The following PRKN variants were observed in gnomAD, a reference collection of about 807,000 sequenced individuals.
PRKN encodes the protein parkin RBR E3 ubiquitin protein ligase, also known as E3 ubiquitin-protein ligase parkin.
In PRKN, 56 loss-of-function variants were observed where a neutral mutation model predicts 59.5. The observed-to-expected ratio is 0.94, with a 90% confidence interval of 0.76 to 1.18. The LOEUF (loss-of-function observed/expected upper bound fraction) is 1.18, where lower values mean the gene tolerates loss of function less well. Among genes scored for constraint, PRKN ranks in the 50% most tolerant of loss-of-function variants. The pLI, the probability that PRKN is intolerant of heterozygous loss-of-function variation, is 0.00. For synonymous variants in PRKN, 250 were observed against 222.1 expected (o/e 1.13, Z -1.12); for missense variants, 657 against 596.4 (o/e 1.10, Z -1.06).
chr6:162,502,554 T>C (rs935834800), intron 1 of PRKN, among the ~76,000 whole-genome samples: 2 of 152,082 alleles, frequency 1.3e-5, no homozygotes, highest in African/African-American at 4.8e-5. Flanking sequence ...CTAAAGCAAA[T>C]TATCATGCCT....
At chr6:161,509,705 C>T (rs1370519630) in intron 9 of PRKN, among the ~76,000 whole-genome samples, 1 of 151,748 alleles carries the variant, frequency 6.6e-6, no homozygotes, top group Non-Finnish European at 1.5e-5. Context: ...CATGGTGAAA[C>T]CCCGTCTTTA....
At chr6:161,953,811 A>T (rs77463493) in intron 6 of PRKN, among the ~76,000 whole-genome samples, 8,583 of 152,224 alleles carry the variant, frequency 0.056, 351 homozygotes, top group Non-Finnish European at 0.086. Flanking sequence ...AGCACGACGC[A>T]CCCTGAATTT....
intron 3 of PRKN, 87 bp downstream of exon 3, chr6:162,262,438 A>G (rs766556838): frequency 6.6e-7 from 1 of 1,518,164 alleles, no homozygotes; most frequent in Middle Eastern, 1.7e-4. Flanking sequence ...CATAAACTAA[A>G]TATGCACCCG....
chr6:161,977,215 G>A (rs1781065271), intron 5 of PRKN, among the ~76,000 whole-genome samples: 4 of 152,156 alleles, frequency 2.6e-5, no homozygotes, highest in Admixed American at 2.0e-4. Flanking sequence ...GCTGACAGAA[G>A]ACAAGAGACT....
chr6:162,124,042 C>T (rs556197909), intron 4 of PRKN, among the ~76,000 whole-genome samples: 1 of 152,248 alleles, frequency 6.6e-6, no homozygotes, highest in Admixed American at 6.5e-5. Context: ...GCAACAATTG[C>T]TTCTCCCAGA....
At chr6:162,425,889 T>A (rs1789216203) in intron 2 of PRKN, among the ~76,000 whole-genome samples, 1 of 152,164 alleles carries the variant, frequency 6.6e-6, no homozygotes, top group Non-Finnish European at 1.5e-5. Flanking sequence ...TCACAGTGAA[T>A]ACGGAAAGAA....
At chr6:161,641,974 C>T (rs1200386921) in intron 7 of PRKN, among the ~76,000 whole-genome samples, 1 of 152,186 alleles carries the variant, frequency 6.6e-6, no homozygotes, top group Non-Finnish European at 1.5e-5. Flanking sequence ...TACTTCTTTT[C>T]CCCTCCAGTG....
chr6:162,087,157 GTTTGT>G (rs1779277957), intron 4 of PRKN, among the ~76,000 whole-genome samples: 1 of 152,038 alleles, frequency 6.6e-6, no homozygotes, highest in African/African-American at 2.4e-5. Flanking sequence ...CAGAGCCAGT[GTTTGT>G]TTTATTTTTG....
At chr6:162,053,947 C>T (rs1777753365) in intron 5 of PRKN, 144 bp downstream of exon 5, 2 of 723,884 alleles carry the variant, frequency 2.8e-6, no homozygotes, top group African/African-American at 1.7e-5. Context: ...ATGTAATTAA[C>T]CTATTTAAAT....
In PRKN at chr6:161,423,437, C is replaced by G. The variant is rs569054860; in HGVS notation, c.1084-36560G>C. Among the ~76,000 whole-genome samples the G allele has an allele frequency of 6.6e-6, 1 of 152,156 alleles. No individual in the cohort carries two copies. The highest frequency in any genetic ancestry group is 2.4e-5 in the African/African-American group (1 of 41,422). ...TAACCACCTGAATTTTATGGGGGAACCTTCTGCACGTATTCATGCATGAAG... is the reference window on the plus strand; with the variant it reads ...TAACCACCTGAATTTTATGGGGGAAGCTTCTGCACGTATTCATGCATGAAG... On this transcript the variant is annotated intron_variant, in intron 9 of 11. Transcript: ENST00000366898. The surrounding 1 kb of genome is among the most constrained non-coding windows in gnomAD (Gnocchi z 5.9).
intron 2 of PRKN, among the ~76,000 whole-genome samples, chr6:162,298,853 G>C (rs1178213501): frequency 6.6e-6 from 1 of 152,084 alleles, no homozygotes; most frequent in Non-Finnish European, 1.5e-5. Context: ...AGGAGGGGAG[G>C]GCTGGAAGCC....
In PRKN at chr6:161,680,748, TATATATATATATATATA is replaced by T. The variant is rs1308934256; in HGVS notation, c.871+105007_871+105023del. On this transcript the variant is annotated intron_variant, in intron 7 of 11. Transcript: ENST00000366898. ...ATACATATATATATATATATATATATATATATATATATATATATATATATATATTTTTTTTTTTTTTT... is the reference window on the plus strand; with the variant it reads ...ATACATATATATATATATATATATATTATATATATATTTTTTTTTTTTTTT... Among the ~76,000 whole-genome samples, 45 of 12,732 alleles carry T rather than the reference TATATATATATATATATA, an allele frequency of 3.5e-3. 4 individuals carry two copies. In the East Asian group the frequency reaches 0.092, roughly 26 times the overall value. The allele number at this position is 12,732 out of a possible 152,430, so 8.4% of individuals were successfully genotyped here.
chr6:162,320,362 CAAAAAA>C (rs55793911), intron 2 of PRKN, among the ~76,000 whole-genome samples: 4 of 7,296 alleles, frequency 5.5e-4, no homozygotes, highest in Admixed American at 2.1e-3. Flanking sequence ...TACAAAAAGC[CAAAAAA>C]AAAAAAAAAA....
intron 7 of PRKN, among the ~76,000 whole-genome samples, chr6:161,696,619 A>T (rs890333137): frequency 6.6e-6 from 1 of 152,232 alleles, no homozygotes; most frequent in Admixed American, 6.5e-5. Flanking sequence ...GCACAGTATC[A>T]TGCAGGCATA....
intron 5 of PRKN, among the ~76,000 whole-genome samples, chr6:162,020,228 T>C (rs911003331): frequency 1.3e-5 from 2 of 148,540 alleles, no homozygotes; most frequent in Non-Finnish European, 3.0e-5. Flanking sequence ...AATCTGTGAC[T>C]GCAGTGCACT....
chr6:162,109,416 A>G (rs542623198), intron 4 of PRKN, among the ~76,000 whole-genome samples: 14 of 152,354 alleles, frequency 9.2e-5, no homozygotes, highest in African/African-American at 3.4e-4. Flanking sequence ...CTGCATGTGC[A>G]GAAATTCAGG....
chr6:161,933,501 T>G (rs1279128843), intron 6 of PRKN, among the ~76,000 whole-genome samples: 1 of 152,228 alleles, frequency 6.6e-6, no homozygotes, highest in Non-Finnish European at 1.5e-5. Flanking sequence ...ATTTAATCTC[T>G]TCTGGTCATA....
rs1471795422 is a variant in PRKN at position 161,549,342 on chromosome 6, C to T, written c.934-339G>A. Reference sequence around the variant, plus strand: ...TATTTTAACAATCTTATTTCATATACATTTTGAGGAACATATTTATGTATT... The same window carrying T: ...TATTTTAACAATCTTATTTCATATATATTTTGAGGAACATATTTATGTATT... On this transcript the variant is annotated intron_variant, in intron 8 of 11. Coordinates refer to ENST00000366898, the MANE Select transcript of PRKN (RefSeq NM_004562.3). The surrounding 1 kb of genome is among the most constrained non-coding windows in gnomAD (Gnocchi z 6.0). Among the ~76,000 whole-genome samples the T allele has an allele frequency of 6.6e-6, 1 of 152,136 alleles. No individual in the cohort carries two copies. Among genetic ancestry groups the T allele is most frequent in the Non-Finnish European group, 1.5e-5 (1 of 68,028 alleles).
At chr6:161,906,964 G>T (rs904350057) in intron 6 of PRKN, among the ~76,000 whole-genome samples, 20 of 151,970 alleles carry the variant, frequency 1.3e-4, no homozygotes, top group Admixed American at 3.3e-4. Flanking sequence ...ATTAGATGGT[G>T]CCCACCCAGA....
Sources: allele counts gnomAD v4.1 joint callset (sites outside exome capture counted in the v4.1 genomes callset), GRCh38; gene constraint gnomAD v4.1.1; non-coding constraint Gnocchi (gnomAD v3.1); transcripts MANE v1.5; gene names NCBI Gene and HGNC (gene_info 2026-07-23, HGNC 2026-07-21).